The following RALGPS1 variants were observed in gnomAD, a reference collection of about 807,000 sequenced individuals.
RALGPS1 encodes the protein Ral GEF with PH domain and SH3 binding motif 1, also known as ras-specific guanine nucleotide-releasing factor RalGPS1.
Under a neutral mutation model 78.8 loss-of-function variants are expected in RALGPS1, and 19 were observed. The ratio of observed to expected loss-of-function variants is 0.24; its 90% CI spans 0.17 to 0.35. The LOEUF is 0.35. Ranked by LOEUF, RALGPS1 falls within the 10% of genes least tolerant of loss-of-function variation. The pLI, the probability that RALGPS1 is intolerant of heterozygous loss-of-function variation, is 1.00. For synonymous variants in RALGPS1, 228 were observed against 256.3 expected (o/e 0.89, Z 1.06); for missense variants, 454 against 688.3 (o/e 0.66, Z 3.81).
chr9:127,165,146 C>T (rs1354416034), intron 8 of RALGPS1, among the ~76,000 whole-genome samples: 1 of 152,218 alleles, frequency 6.6e-6, no homozygotes, highest in Non-Finnish European at 1.5e-5. Flanking sequence ...TTAATGTTTT[C>T]TGCCTTGAAT....
chr9:126,986,290 C>A (rs565583759), intron 4 of RALGPS1, among the ~76,000 whole-genome samples: 1 of 152,286 alleles, frequency 6.6e-6, no homozygotes, highest in African/African-American at 2.4e-5. Flanking sequence ...CCAAGTTTAT[C>A]AAAAATTGGT....
At chr9:127,145,443 G>T (rs2058042892) in intron 8 of RALGPS1, among the ~76,000 whole-genome samples, 1 of 152,190 alleles carries the variant, frequency 6.6e-6, no homozygotes, top group South Asian at 2.1e-4. Flanking sequence ...TCACCTACTG[G>T]TGATATCTGC....
intron 1 of RALGPS1, among the ~76,000 whole-genome samples, chr9:126,957,119 G>A (rs1052097096): frequency 2.6e-5 from 4 of 152,190 alleles, no homozygotes; most frequent in Admixed American, 6.5e-5. Context: ...ATGCTTAGCC[G>A]GGTGCCTTGC....
At position 126,928,348 on chromosome 9, in the gene RALGPS1, TGCC is replaced by T. The variant is rs557807515; in HGVS notation, c.-66+13374_-66+13376del. On this transcript the variant is annotated intron_variant, in intron 1 of 18. Coordinates refer to ENST00000259351, the MANE Select transcript of RALGPS1 (RefSeq NM_014636.3). ...ACCAGGACTGACCATCGTGGTGTGATGCCTTTTGCTTCTTAGGGAAGGAAGAAG... is the reference window on the plus strand; with the variant it reads ...ACCAGGACTGACCATCGTGGTGTGATTTTTGCTTCTTAGGGAAGGAAGAAG... 2.8e-3 allele frequency among the ~76,000 whole-genome samples: 428 copies of T among 152,304 alleles called. 1 individual carries two copies. The highest frequency in any genetic ancestry group is 4.0e-3 in the Non-Finnish European group (273 of 68,020).
rs1378385925 is a variant in RALGPS1, at chr9:127,200,642, C to T, written c.1247+1576C>T. ...GCCAGCCCTCAGAGGCTCTCTCTTT[C>T]CCCTCCCCGGCCATCTGGGTTGCTC... is the stretch of plus-strand genomic sequence containing the variant. On this transcript the variant is annotated intron_variant, in intron 14 of 18. Coordinates refer to ENST00000259351, the MANE Select transcript of RALGPS1 (RefSeq NM_014636.3). Among the ~76,000 whole-genome samples, 3 of 152,246 alleles carry T rather than the reference C, an allele frequency of 2.0e-5. No individual in the cohort carries two copies. In the East Asian group the frequency reaches 5.8e-4, roughly 29 times the overall value.
At chr9:127,180,862 C>T (rs898439601) in intron 11 of RALGPS1, among the ~76,000 whole-genome samples, 3 of 152,268 alleles carry the variant, frequency 2.0e-5, no homozygotes, top group African/African-American at 4.8e-5. Flanking sequence ...CTCACATGCT[C>T]AGTGCTTGCT....
intron 4 of RALGPS1, 127 bp downstream of exon 4, chr9:126,977,872 C>A (rs558035421): frequency 1.1e-5 from 7 of 636,548 alleles, no homozygotes; most frequent in East Asian, 8.9e-5. Context: ...TCCATTTAAA[C>A]CCCATTCTAT....
intron 8 of RALGPS1, chr9:127,093,811 G>T: frequency 1.2e-5 from 20 of 1,613,986 alleles, no homozygotes; most frequent in Non-Finnish European, 1.7e-5. Flanking sequence ...CCCCGGGGTC[G>T]TGTCTCTGGT....
chr9:127,179,683 T>G (rs1376438792), intron 11 of RALGPS1, among the ~76,000 whole-genome samples: 1 of 152,180 alleles, frequency 6.6e-6, no homozygotes, highest in African/African-American at 2.4e-5. Flanking sequence ...CACATTTTAG[T>G]CGGGGAACCA....
intron 4 of RALGPS1, among the ~76,000 whole-genome samples, chr9:126,995,680 C>T (rs1327249939): frequency 2.6e-5 from 4 of 152,056 alleles, no homozygotes; most frequent in African/African-American, 9.7e-5. Context: ...ACCAAGCAGA[C>T]CTAATAGACA....
intron 11 of RALGPS1, among the ~76,000 whole-genome samples, chr9:127,181,805 C>T (rs1370228484): frequency 2.0e-5 from 3 of 151,870 alleles, no homozygotes; most frequent in Admixed American, 6.6e-5. Flanking sequence ...AGCATAGGGT[C>T]ATATGAGCCA....
At chr9:127,039,090 G>A (rs941752040) in intron 5 of RALGPS1, among the ~76,000 whole-genome samples, 2 of 152,114 alleles carry the variant, frequency 1.3e-5, no homozygotes, top group African/African-American at 4.8e-5. Context: ...GGTCCAGCCT[G>A]GAGATGCAAA....
intron 10 of RALGPS1, among the ~76,000 whole-genome samples, chr9:127,170,887 T>C (rs761141680): frequency 6.6e-6 from 1 of 152,184 alleles, no homozygotes; most frequent in Non-Finnish European, 1.5e-5. Flanking sequence ...CCTCAGACCA[T>C]CTAGGGAGTT....
chr9:127,041,031 T>TTTTGTGTGTGTGTGTGTGTG (rs1554802019), intron 5 of RALGPS1, among the ~76,000 whole-genome samples: 1 of 135,718 alleles, frequency 7.4e-6, no homozygotes, highest in Non-Finnish European at 1.6e-5. Context: ...CTACAAACAT[T>TTTTGTGTGTGTGTGTGTGTG]TGTGTGTGTG....
intron 1 of RALGPS1, among the ~76,000 whole-genome samples, chr9:126,932,170 T>C (rs564393596): frequency 6.6e-6 from 1 of 152,316 alleles, no homozygotes; most frequent in South Asian, 2.1e-4. Context: ...TGTCCTCATC[T>C]TGAAAAGGGA....
At chr9:127,202,983 G>A (rs1198733100) in intron 14 of RALGPS1, among the ~76,000 whole-genome samples, 2 of 152,136 alleles carry the variant, frequency 1.3e-5, no homozygotes, top group East Asian at 1.9e-4. Flanking sequence ...AACCAACCTC[G>A]GGCCCCTTGG....
chr9:127,061,021 A>G (rs1248578857), intron 7 of RALGPS1, among the ~76,000 whole-genome samples: 1 of 152,186 alleles, frequency 6.6e-6, no homozygotes, highest in Non-Finnish European at 1.5e-5. Context: ...AGCTAGAATG[A>G]GAGAGAGAAT....
rs564247792 is a variant in RALGPS1 at position 127,222,804 on chromosome 9, G to C, written c.*4035G>C. On this transcript the variant is annotated 3_prime_UTR_variant, in exon 19 of 19. Coordinates refer to ENST00000259351, the MANE Select transcript of RALGPS1 (RefSeq NM_014636.3). ...CATTCAAAATGTTGCATAGAGAGTAGTTTTCAATTTCTTATGTACTCTTCG... is the reference window on the plus strand; with the variant it reads ...CATTCAAAATGTTGCATAGAGAGTACTTTTCAATTTCTTATGTACTCTTCG... The C allele has an allele frequency of 6.5e-6, 1 of 152,786 alleles. No homozygotes were observed. The highest frequency in any genetic ancestry group is 2.1e-4 in the South Asian group (1 of 4,828). The allele number at this position is 152,786 out of a possible 1,614,324, so 9.5% of individuals were successfully genotyped here.
intron 14 of RALGPS1, among the ~76,000 whole-genome samples, chr9:127,202,642 G>A (rs2061696499): frequency 6.6e-6 from 1 of 152,120 alleles, no homozygotes; most frequent in African/African-American, 2.4e-5. Context: ...GGAGGTGTTT[G>A]TTAGTCACTT....
Sources: gnomAD v4.1 joint callset for allele counts (sites outside exome capture counted in the v4.1 genomes callset) on GRCh38, gnomAD v4.1.1 for gene constraint, MANE v1.5 for transcripts, NCBI Gene and HGNC (gene_info 2026-07-23, HGNC 2026-07-21) for gene names.